MMP8: variants seen among roughly 807,000 people sequenced by gnomAD.
MMP8 encodes the protein neutrophil collagenase.
MMP8 carries 67 observed loss-of-function variants against 51.2 expected under a neutral mutation model. That is an observed-to-expected ratio of 1.31 (90% CI 1.08 to 1.60). The LOEUF (loss-of-function observed/expected upper bound fraction) is 1.60, where lower values mean the gene tolerates loss of function less well. MMP8 is among the 40% of genes most tolerant of loss of function. MMP8 has a pLI of 0.00. For synonymous variants in MMP8, 225 were observed against 191.0 expected, an observed-to-expected ratio of 1.18 and a Z score of -1.47; for missense variants, 654 against 558.1, an observed-to-expected ratio of 1.17 and a Z score of -1.73.
intron 4 of MMP8, among the ~76,000 whole-genome samples, chr11:102,718,998 C>T (rs1005152459): frequency 2.0e-5 from 3 of 152,106 alleles, no homozygotes; most frequent in Admixed American, 6.5e-5. Flanking sequence ...AGAAGAGAAG[C>T]CAGCCCAGCA....
intron 4 of MMP8, among the ~76,000 whole-genome samples, chr11:102,719,704 A>T (rs1025183377): frequency 6.6e-6 from 1 of 152,246 alleles, no homozygotes; most frequent in Non-Finnish European, 1.5e-5. Flanking sequence ...TTATGCATTC[A>T]TGAGTGCATT....
intron 9 of MMP8, 142 bp from the exon 10 acceptor site, chr11:102,713,599 C>T: frequency 2.0e-6 from 2 of 982,930 alleles, no homozygotes; most frequent in South Asian, 1.6e-5. Flanking sequence ...GGTGCGGTGG[C>T]TAATGCCTGT....
Position 102,724,763 on chromosome 11 carries a change from T to A in MMP8, c.93A>T (p.Lys31Asn). The A allele has an allele frequency of 6.3e-7, 1 of 1,596,822 alleles. No homozygotes were observed. Among genetic ancestry groups the A allele is most frequent in the Non-Finnish European group, 8.5e-7 (1 of 1,169,856 alleles). ...FPVSSKEKNTKTVQDYLEKFY... is the reference protein window; with the variant it reads ...FPVSSKEKNTNTVQDYLEKFY... ...CTGATAGTTCATTTACCTGAACAGT[T>A]TTTGTATTTTTCTCTTTAGAAGATA... The change falls in exon 1 of 10, where the codon AAA (lysine) becomes AAT (asparagine). Residue 31 changes from lysine to asparagine, a missense_variant. Transcript: ENST00000236826.
Position 102,718,592 on chromosome 11 carries a change from G to A in MMP8, c.623-17C>T. The A allele has an allele frequency of 6.2e-7, 1 of 1,613,630 alleles. No homozygotes were observed. Among genetic ancestry groups the A allele is most frequent in the East Asian group, 2.2e-5 (1 of 44,884 alleles). On this transcript the variant is annotated splice_polypyrimidine_tract_variant and intron_variant, in intron 4 of 9. Coordinates refer to ENST00000236826, the MANE Select transcript of MMP8 (RefSeq NM_002424.3). ...AGTTGTAATCTGAAATGCAAACACG[G>A]GTGGTAAACAGCTCAGTGTGGATCC... is the stretch of plus-strand genomic sequence containing the variant.
chr11:102,718,394 C>T lies in MMP8; in HGVS notation c.784+20G>A, dbSNP rs780075020. 5.6e-6 allele frequency: 9 copies of T among 1,601,002 alleles called. No homozygotes were observed. In the Admixed American group the frequency reaches 6.9e-5, roughly 12 times the overall value. ...TCCCAGGTCCTACCATGTACTATGA[C>T]TCTCTTGAGAAGACCTTACCATAGA... On this transcript the variant is annotated intron_variant, in intron 5 of 9. Coordinates refer to ENST00000236826, the MANE Select transcript of MMP8 (RefSeq NM_002424.3).
chr11:102,723,194 A>T (rs531500144), intron 1 of MMP8: 5 of 483,620 alleles, frequency 1.0e-5, no homozygotes, highest in Non-Finnish European at 1.9e-5. Flanking sequence ...AATTTCAAAT[A>T]TCTTTTAGGG....
In MMP8 at chr11:102,712,037, A is replaced by C. The variant is rs557085315; in HGVS notation, c.*1311T>G. 2 of 152,338 alleles carry C rather than the reference A, an allele frequency of 1.3e-5. No homozygotes were observed. The highest frequency in any genetic ancestry group is 4.1e-4 in the South Asian group (2 of 4,824). The allele number at this position is 152,338 out of a possible 1,614,324, so 9.4% of individuals were successfully genotyped here. A position where few individuals can be genotyped will look rare whatever the true frequency, so the allele number is the denominator to read the frequency against. ...TGATTTTGATATCTGGACTCGCTAG[A>C]CTTGGTCCCATAAATCCTATAGTTC... On this transcript the variant is annotated 3_prime_UTR_variant, in exon 10 of 10. Transcript: ENST00000236826.
chr11:102,721,211 CTTT>C (rs538378844), intron 4 of MMP8, among the ~76,000 whole-genome samples, 187 bp downstream of exon 4: 5 of 151,894 alleles, frequency 3.3e-5, no homozygotes, highest in Middle Eastern at 3.4e-3. Context: ...TTCAGCATGT[CTTT>C]TTCTTTCTTT....
At chr11:102,715,278 A>C in intron 7 of MMP8, 26 bp downstream of exon 7, 1 of 1,597,994 alleles carries the variant, frequency 6.3e-7, no homozygotes. Context: ...CAGAACTAAC[A>C]TAAGATGAAA....
chr11:102,713,733 A>AG, intron 9 of MMP8, 21 bp downstream of exon 9: 2 of 1,256,028 alleles, frequency 1.6e-6, no homozygotes, highest in South Asian at 1.3e-5. Flanking sequence ...CACATTTATT[A>AG]GGTTTTTTTT....
At chr11:102,722,022 A>C (rs1191521204) in intron 2 of MMP8, among the ~76,000 whole-genome samples, 2 of 152,174 alleles carry the variant, frequency 1.3e-5, no homozygotes, top group Non-Finnish European at 2.9e-5. Context: ...TGGGGATTAA[A>C]TACATATAAA....
chr11:102,713,949 C>A, intron 8 of MMP8, 92 bp from the exon 9 acceptor site: 1 of 780,504 alleles, frequency 1.3e-6, no homozygotes. Context: ...AAAGTCTCCT[C>A]ACACATATTT....
intron 2 of MMP8, 111 bp from the exon 3 acceptor site, chr11:102,721,873 G>C (rs1251255350): frequency 1.6e-6 from 2 of 1,265,426 alleles, no homozygotes; most frequent in Non-Finnish European, 2.2e-6. Flanking sequence ...GCTACCACTG[G>C]AGAGGATAAG....
chr11:102,716,473 G>C (rs922149472), intron 5 of MMP8, 54 bp from the exon 6 acceptor site: 16 of 1,178,936 alleles, frequency 1.4e-5, no homozygotes, highest in Non-Finnish European at 1.8e-5. Flanking sequence ...AGTAAGTCCG[G>C]TGTGACTCTT....
rs1162253373 is a variant in MMP8 at position 102,724,725 on chromosome 11, A to G, written c.102+29T>C. The G allele has an allele frequency of 2.6e-6, 4 of 1,544,624 alleles. No individual in the cohort carries two copies. In the South Asian group the frequency reaches 4.9e-5, roughly 19 times the overall value. ...ACTATTTCCTAATAATCAGCAAATC[A>G]AACATCACCTAACTGATAGTTCATT... On this transcript the variant is annotated intron_variant, in intron 1 of 9. Transcript: ENST00000236826.
In MMP8 at chr11:102,716,329, C is replaced by T. The variant is rs559647290; in HGVS notation, c.875G>A (p.Arg292His). The T allele has an allele frequency of 3.2e-5, 51 of 1,588,098 alleles. No individual in the cohort carries two copies. The Middle Eastern group carries it at 5.0e-4, about 16-fold the overall frequency. ...GTCTTTAAAGAAAAGTATTTCTCCA[C>T]GGAGTGTGGTGATAGCATCAAATGT... ...SLTFDAITTLRGEILFFKDRY... is the reference protein window; with the variant it reads ...SLTFDAITTLHGEILFFKDRY... Residue 292 changes from arginine (R) to histidine (H), a missense_variant, in exon 6 of 10, where the codon CGT becomes CAT. By Grantham distance (29) the Arg-to-His change is conservative. Transcript: ENST00000236826.
intron 4 of MMP8, among the ~76,000 whole-genome samples, chr11:102,721,094 G>A (rs1302431879): frequency 3.3e-5 from 5 of 152,126 alleles, no homozygotes; most frequent in African/African-American, 1.2e-4. Context: ...AAATAAATGT[G>A]GCCCTGTTTC....
Position 102,716,422 on chromosome 11 carries a change from G to T in MMP8, c.785-3C>A. Reference sequence around the variant, plus strand: ...TTGGATAGGGTTGCTTGAAAGTCCTGGAAAAAAAAAAAAAAAAAAAAAAAA... The same window carrying T: ...TTGGATAGGGTTGCTTGAAAGTCCTTGAAAAAAAAAAAAAAAAAAAAAAAA... On this transcript the variant is annotated splice_polypyrimidine_tract_variant and splice_region_variant and intron_variant, in intron 5 of 9. Transcript: ENST00000236826. 1.4e-5 allele frequency: 7 copies of T among 495,826 alleles called. No homozygotes were observed. The highest frequency in any genetic ancestry group is 7.3e-5 in the African/African-American group (2 of 27,390). 30.7% of individuals were successfully genotyped at this position (495,826 alleles called of 1,614,324 possible).
intron 4 of MMP8, among the ~76,000 whole-genome samples, chr11:102,721,131 G>A (rs34802753): frequency 0.064 from 9,746 of 152,092 alleles, 385 homozygotes; most frequent in African/African-American, 0.11. Context: ...TACAGACAGG[G>A]GTCAGGCAGG....
Sources: gnomAD v4.1 joint callset for allele counts (sites outside exome capture counted in the v4.1 genomes callset) on GRCh38, gnomAD v4.1.1 for gene constraint, MANE v1.5 for transcripts, NCBI Gene and HGNC (gene_info 2026-07-23, HGNC 2026-07-21) for gene names.